The following STK31 variants were observed in gnomAD, a reference collection of about 807,000 sequenced individuals.
STK31 encodes serine/threonine kinase 31.
Under a neutral mutation model 129.7 loss-of-function variants are expected in STK31, and 89 were observed. The ratio of observed to expected loss-of-function variants is 0.69; its 90% CI spans 0.58 to 0.82. The LOEUF (loss-of-function observed/expected upper bound fraction) is 0.82. Ranked by LOEUF, STK31 falls within the 40% of genes least tolerant of loss-of-function variation. The probability of loss-of-function intolerance (pLI) is 0.00; values close to 1 mark genes in which losing one functional copy is unlikely to be tolerated. For missense variants in STK31, 1,187 were observed against 1,176.4 expected (o/e 1.01, Z -0.13); for synonymous variants, 448 against 395.3 (o/e 1.13, Z -1.58).
intron 15 of STK31, among the ~76,000 whole-genome samples, chr7:23,774,438 T>G (rs879873823): frequency 6.6e-6 from 1 of 152,142 alleles, no homozygotes; most frequent in East Asian, 1.9e-4. Flanking sequence ...TCCTCCCCAC[T>G]GTCTGTTGTT....
chr7:23,730,878 A>ATATATTTTTTTT, intron 6 of STK31, among the ~76,000 whole-genome samples: 4 of 59,542 alleles, frequency 6.7e-5, no homozygotes, highest in East Asian at 4.5e-4. Context: ...ATATATATAT[A>ATATATTTTTTTT]TTTTTTTTTT....
chr7:23,773,117 C>T (rs1790305059), intron 15 of STK31, among the ~76,000 whole-genome samples: 1 of 152,054 alleles, frequency 6.6e-6, no homozygotes, highest in Non-Finnish European at 1.5e-5. Flanking sequence ...CATAGGTATA[C>T]ACGTGCCATG....
intron 22 of STK31, among the ~76,000 whole-genome samples, chr7:23,792,711 A>AT (rs1791715303): frequency 6.6e-6 from 1 of 152,176 alleles, no homozygotes; most frequent in Non-Finnish European, 1.5e-5. Flanking sequence ...TTTATGACTT[A>AT]ATAGATTCTA....
At chr7:23,796,206 C>G (rs998763443) in intron 22 of STK31, among the ~76,000 whole-genome samples, 3 of 152,160 alleles carry the variant, frequency 2.0e-5, no homozygotes, top group Non-Finnish European at 2.9e-5. Context: ...CCATACTGTT[C>G]TCATGACTTT....
chr7:23,747,108 G>A (rs969622583), intron 8 of STK31, among the ~76,000 whole-genome samples: 5 of 151,888 alleles, frequency 3.3e-5, no homozygotes, highest in South Asian at 2.1e-4. Flanking sequence ...ATATATGTTC[G>A]TGACATATAT....
intron 10 of STK31, among the ~76,000 whole-genome samples, 180 bp downstream of exon 10, chr7:23,754,654 C>T (rs1235995684): frequency 6.6e-6 from 1 of 152,138 alleles, no homozygotes; most frequent in Non-Finnish European, 1.5e-5. Flanking sequence ...CCCTCACCCC[C>T]CCATTTCCTA....
chr7:23,751,667 ATAT>A (rs1788714884), intron 8 of STK31, among the ~76,000 whole-genome samples: 1 of 152,150 alleles, frequency 6.6e-6, no homozygotes, highest in Admixed American at 6.6e-5. Context: ...TGAAATCTAA[ATAT>A]TATTGTAGTT....
chr7:23,760,361 T>G (rs1408657637), intron 10 of STK31, among the ~76,000 whole-genome samples: 1 of 152,220 alleles, frequency 6.6e-6, no homozygotes, highest in East Asian at 1.9e-4. Flanking sequence ...ATGAGAAGTA[T>G]GAGCAGGATA....
At chr7:23,819,958 A>T (rs1410579112) in intron 23 of STK31, among the ~76,000 whole-genome samples, 1 of 152,202 alleles carries the variant, frequency 6.6e-6, no homozygotes, top group Non-Finnish European at 1.5e-5. Context: ...AGTTGACTAG[A>T]TGAAGAAATT....
intron 8 of STK31, among the ~76,000 whole-genome samples, chr7:23,747,183 T>G (rs972077883): frequency 5.9e-5 from 9 of 152,164 alleles, no homozygotes; most frequent in African/African-American, 2.2e-4. Flanking sequence ...GATGCTGGCC[T>G]CATGGAATGA....
chr7:23,730,878 A>ATATATATTTTTT, intron 6 of STK31, among the ~76,000 whole-genome samples: 2 of 59,554 alleles, frequency 3.4e-5, no homozygotes, highest in Non-Finnish European at 6.6e-5. Context: ...ATATATATAT[A>ATATATATTTTTT]TTTTTTTTTT....
At chr7:23,796,795 C>G (rs1221144449) in intron 22 of STK31, among the ~76,000 whole-genome samples, 1 of 152,014 alleles carries the variant, frequency 6.6e-6, no homozygotes, top group African/African-American at 2.4e-5. Flanking sequence ...CTAAATGCCC[C>G]AATTAAAAGA....
chr7:23,825,979 A>G (rs865813511), intron 23 of STK31, among the ~76,000 whole-genome samples: 8 of 151,992 alleles, frequency 5.3e-5, no homozygotes, highest in Admixed American at 1.3e-4. Context: ...GTTATAATTT[A>G]TGTTCTTTTA....
At chr7:23,729,055 G>C (rs1787244760) in intron 5 of STK31, 36 bp from the exon 6 acceptor site, 2 of 1,515,160 alleles carry the variant, frequency 1.3e-6, no homozygotes, top group African/African-American at 2.8e-5. Flanking sequence ...ATTTAATCTG[G>C]GGTCAGTATT....
intron 8 of STK31, among the ~76,000 whole-genome samples, chr7:23,749,871 G>C (rs1788592034): frequency 6.6e-6 from 1 of 152,076 alleles, no homozygotes; most frequent in African/African-American, 2.4e-5. Flanking sequence ...AGGATGGCTA[G>C]AGTAGGATGG....
chr7:23,761,136 T>C (rs1584400503), intron 10 of STK31, among the ~76,000 whole-genome samples: 1 of 152,222 alleles, frequency 6.6e-6, no homozygotes, highest in East Asian at 1.9e-4. Flanking sequence ...GGTTTGAGCA[T>C]AGTGAAAGTA....
At chr7:23,741,634 A>C (rs2128084988) in intron 8 of STK31, among the ~76,000 whole-genome samples, 1 of 152,280 alleles carries the variant, frequency 6.6e-6, no homozygotes, top group East Asian at 1.9e-4. Context: ...CAGAGACTAG[A>C]ATGTCTGCTG....
chr7:23,736,620 A>T (rs1057155747), intron 7 of STK31, among the ~76,000 whole-genome samples: 1 of 152,010 alleles, frequency 6.6e-6, no homozygotes, highest in Non-Finnish European at 1.5e-5. Flanking sequence ...GAAAAAAACT[A>T]ATACAGAAAT....
chr7:23,808,903 C>G (rs929666407), intron 22 of STK31, among the ~76,000 whole-genome samples: 20 of 143,368 alleles, frequency 1.4e-4, no homozygotes, highest in African/African-American at 5.1e-4. Context: ...ACCCTCTTCC[C>G]AGTCCTGTGG....
Sources: allele counts gnomAD v4.1 joint callset (sites outside exome capture counted in the v4.1 genomes callset), GRCh38; gene constraint gnomAD v4.1.1; transcripts MANE v1.5; gene names NCBI Gene and HGNC (gene_info 2026-07-23, HGNC 2026-07-21).